Variants in ANO1 observed in about 807,000 individuals in gnomAD.
ANO1 encodes the protein anoctamin-1.
Under a neutral mutation model 124.0 loss-of-function variants are expected in ANO1, and 59 were observed. The ratio of observed to expected loss-of-function variants is 0.48; its 90% CI spans 0.39 to 0.59. The LOEUF (loss-of-function observed/expected upper bound fraction) is 0.59. ANO1 is among the 20% of genes least tolerant of loss of function. The pLI is 0.00. For missense variants in ANO1, 1,059 were observed against 1,328.0 expected (o/e 0.80, Z 3.15); for synonymous variants, 529 against 532.0 (o/e 0.99, Z 0.08).
chr11:70,182,815 GGA>G, intron 24 of ANO1, 129 bp downstream of exon 24: 7 of 918,844 alleles, frequency 7.6e-6, no homozygotes, highest in Non-Finnish European at 9.0e-6. Context: ...AGAAGAAGAA[GGA>G]AAAAAAAAAA....
intron 1 of ANO1, among the ~76,000 whole-genome samples, chr11:70,079,467 C>G (rs1434365094): frequency 6.6e-6 from 1 of 151,982 alleles, no homozygotes; most frequent in Non-Finnish European, 1.5e-5. Context: ...TCCCCAGGGC[C>G]AGACCCAGAG....
chr11:70,181,603 G>A, intron 23 of ANO1, among the ~76,000 whole-genome samples: 1 of 152,214 alleles, frequency 6.6e-6, no homozygotes, highest in East Asian at 1.9e-4. Context: ...GGAGCACAGT[G>A]GGCATCTCCT....
chr11:70,144,725 C>T, intron 11 of ANO1, among the ~76,000 whole-genome samples: 1 of 152,228 alleles, frequency 6.6e-6, no homozygotes, highest in East Asian at 1.9e-4. Flanking sequence ...CCTTTGGCCA[C>T]CTCGTAAGGC....
At chr11:70,057,457 T>TGTGTGA (rs1857465806) in intron 1 of ANO1, among the ~76,000 whole-genome samples, 1 of 151,570 alleles carries the variant, frequency 6.6e-6, no homozygotes, top group Non-Finnish European at 1.5e-5. Flanking sequence ...TGTGTGTGTG[T>TGTGTGA]GATGTGTGAG....
chr11:69,973,171 G>T, the ANO1 span, among the ~76,000 whole-genome samples: 1 of 151,920 alleles, frequency 6.6e-6, no homozygotes. Flanking sequence ...AGCCTCCCAA[G>T]GTGCTGGGAT....
chr11:70,000,480 CACCT>C (rs1352696944), intron 1 of ANO1, among the ~76,000 whole-genome samples: 4 of 121,852 alleles, frequency 3.3e-5, no homozygotes, highest in Non-Finnish European at 5.6e-5. Context: ...ATCATACACC[CACCT>C]GAGGGGCTGA....
At chr11:70,130,691 T>C (rs1033351049) in intron 10 of ANO1, among the ~76,000 whole-genome samples, 2 of 152,144 alleles carry the variant, frequency 1.3e-5, no homozygotes, top group African/African-American at 4.8e-5. Context: ...CTGGCCACAG[T>C]AGTTGGGATC....
intron 1 of ANO1, among the ~76,000 whole-genome samples, chr11:70,069,454 C>T (rs1857813682): frequency 6.6e-6 from 1 of 152,076 alleles, no homozygotes; most frequent in South Asian, 2.1e-4. Context: ...GGGAAAACAG[C>T]CCCACTCTGT....
intron 11 of ANO1, chr11:70,141,816 C>T (rs1337300267): frequency 6.6e-6 from 1 of 152,182 alleles, no homozygotes; most frequent in East Asian, 1.9e-4. Context: ...CGCTTGTGTC[C>T]TTTCTTTTCC....
intron 2 of ANO1, among the ~76,000 whole-genome samples, chr11:70,089,280 G>A (rs1379653223): frequency 6.6e-6 from 1 of 152,176 alleles, no homozygotes; most frequent in Non-Finnish European, 1.5e-5. Context: ...GAAAATGAAC[G>A]TTGGCTTTGG....
intron 1 of ANO1, among the ~76,000 whole-genome samples, chr11:70,020,527 A>G: frequency 6.6e-6 from 1 of 152,192 alleles, no homozygotes; most frequent in East Asian, 1.9e-4. Context: ...ACAGCTGGAA[A>G]GGCCCTCTTC....
At chr11:70,030,273 G>T (rs1856978440) in intron 1 of ANO1, among the ~76,000 whole-genome samples, 1 of 152,230 alleles carries the variant, frequency 6.6e-6, no homozygotes, top group Admixed American at 6.5e-5. Flanking sequence ...GAGCCAGCCA[G>T]GGCTGCTGAT....
At chr11:70,059,365 A>C (rs889756784) in intron 1 of ANO1, among the ~76,000 whole-genome samples, 50 of 151,860 alleles carry the variant, frequency 3.3e-4, no homozygotes, top group African/African-American at 1.1e-3. Flanking sequence ...AAAAAAAAAA[A>C]AAAAGCCGAA....
intron 1 of ANO1, among the ~76,000 whole-genome samples, chr11:70,013,291 C>T (rs532434921): frequency 3.9e-5 from 6 of 152,264 alleles, no homozygotes; most frequent in East Asian, 1.9e-4. Context: ...TCATACTGGC[C>T]TTCAAGATCA....
At chr11:70,183,711 C>T (rs978542353) in intron 24 of ANO1, among the ~76,000 whole-genome samples, 1 of 152,194 alleles carries the variant, frequency 6.6e-6, no homozygotes, top group African/African-American at 2.4e-5. Flanking sequence ...GCACCAGAGC[C>T]GTGGCCCAGC....
At chr11:70,045,901 A>G (rs1293564153) in intron 1 of ANO1, among the ~76,000 whole-genome samples, 1 of 152,196 alleles carries the variant, frequency 6.6e-6, no homozygotes, top group African/African-American at 2.4e-5. Flanking sequence ...TTTAGAGAAC[A>G]AGGAATGTGC....
At chr11:70,030,978 T>C (rs1159858951) in intron 1 of ANO1, among the ~76,000 whole-genome samples, 2 of 152,048 alleles carry the variant, frequency 1.3e-5, no homozygotes, top group East Asian at 3.9e-4. Flanking sequence ...AGAGCCTCAC[T>C]CTGTCATCCA....
chr11:70,085,787 T>C, intron 1 of ANO1: 2 of 1,248,094 alleles, frequency 1.6e-6, no homozygotes, highest in South Asian at 1.7e-5. Flanking sequence ...ACTGCAGTGC[T>C]GACTGTTTGG....
intron 1 of ANO1, among the ~76,000 whole-genome samples, chr11:70,054,174 A>G (rs538920473): frequency 2.6e-5 from 4 of 152,250 alleles, no homozygotes; most frequent in East Asian, 3.9e-4. Context: ...TGTAAAGTCC[A>G]TGGAGCTAAG....
Sources: allele counts gnomAD v4.1 joint callset (sites outside exome capture counted in the v4.1 genomes callset), GRCh38; gene constraint gnomAD v4.1.1; transcripts MANE v1.5; gene names NCBI Gene and HGNC (gene_info 2026-07-23, HGNC 2026-07-21).